IER5: variants seen among roughly 807,000 people sequenced by gnomAD.
The protein encoded by IER5 is immediate early response 5, also known as immediate early response gene 5 protein.
In IER5, 3 loss-of-function variants were observed where a neutral mutation model predicts 8.2. The observed-to-expected ratio is 0.36, with a 90% CI of 0.17 to 0.94. IER5 has a LOEUF of 0.94. Among genes scored for constraint, IER5 ranks in the 40% least tolerant of loss-of-function variants. The probability of loss-of-function intolerance (pLI) is 0.43; values close to 1 mark genes in which losing one functional copy is unlikely to be tolerated. For synonymous variants in IER5, 286 were observed against 230.1 expected (o/e 1.24, Z -2.20); for missense variants, 531 against 494.3 (o/e 1.07, Z -0.70).
Position 181,089,445 on chromosome 1 carries a change from C to T in IER5, c.543C>T (p.Gly181=), listed in dbSNP as rs1338702728. The change falls in exon 1 of 1, where the codon GGC becomes GGT. Residue 181 remains glycine (G), a synonymous_variant. Coordinates refer to ENST00000367577, the MANE Select transcript of IER5 (RefSeq NM_016545.5). ...AARRPCGCPL[G]GEDPPGTPAA... Reference sequence around the variant, plus strand: ...GCCGCCCCTGCGGCTGCCCCCTAGGCGGGGAGGACCCGCCGGGTACACCGG... The same window carrying T: ...GCCGCCCCTGCGGCTGCCCCCTAGGTGGGGAGGACCCGCCGGGTACACCGG... 13 of 1,373,112 alleles carry T rather than the reference C, an allele frequency of 9.5e-6. 1 individual carries two copies. The highest frequency in any genetic ancestry group is 7.6e-5 in the African/African-American group (5 of 65,938). The allele number at this position is 1,373,112 out of a possible 1,614,324, so 85.1% of individuals were successfully genotyped here. A position where few individuals can be genotyped will look rare whatever the true frequency, so the allele number is the denominator to read the frequency against.
At position 181,089,541 on chromosome 1, in the gene IER5, G is replaced by A; in HGVS notation, c.639G>A (p.Ala213=). Residue 213 remains alanine, a synonymous_variant, in exon 1 of 1, where the codon GCG becomes GCA. Coordinates refer to ENST00000367577, the MANE Select transcript of IER5 (RefSeq NM_016545.5). ...AGGACGAGCCCCCCGCGCCGCCCGCGGTGTGCCCCAGGAAGCGCTGCGCGG... is the reference window on the plus strand; with the variant it reads ...AGGACGAGCCCCCCGCGCCGCCCGCAGTGTGCCCCAGGAAGCGCTGCGCGG... ...PAEDEPPAPP[A]VCPRKRCAAG... The A allele has an allele frequency of 7.7e-7, 1 of 1,304,246 alleles. No individual in the cohort carries two copies. The highest frequency in any genetic ancestry group is 9.7e-7 in the Non-Finnish European group (1 of 1,026,420). The allele number at this position is 1,304,246 out of a possible 1,614,324, so 80.8% of individuals were successfully genotyped here.
rs1451601757 is a variant in IER5 at position 181,091,342 on chromosome 1, T to C, written c.*1456T>C. On this transcript the variant is annotated 3_prime_UTR_variant, in exon 1 of 1. Transcript: ENST00000367577. ...ATGAAAGAGACTGACTTGTCCAAAT[T>C]GTCAGGTCCACCTCTGCATCACAGT... The C allele has an allele frequency of 6.6e-6, 1 of 152,210 alleles. No individual in the cohort carries two copies. Among genetic ancestry groups the C allele is most frequent in the African/African-American group, 2.4e-5 (1 of 41,456 alleles). The allele number at this position is 152,210 out of a possible 1,614,324, so 9.4% of individuals were successfully genotyped here.
Position 181,090,854 on chromosome 1 carries a change from G to T in IER5, c.*968G>T. ...TTTGAAGCAACGTAACTGCCTGCTT[G>T]TCTGTAATAACCTGCCTGGGTTGGG... is the stretch of plus-strand genomic sequence containing the variant. On this transcript the variant is annotated 3_prime_UTR_variant, in exon 1 of 1. Transcript: ENST00000367577. The T allele has an allele frequency of 6.5e-6, 1 of 153,564 alleles. No individual in the cohort carries two copies. 9.5% of individuals were successfully genotyped at this position (153,564 alleles called of 1,614,324 possible).
rs781675032 is a variant in IER5 at position 181,089,005 on chromosome 1, C to T, written c.103C>T (p.Leu35=). The change falls in exon 1 of 1, where the codon CTG becomes TTG. Residue 35 remains leucine, a synonymous_variant. Transcript: ENST00000367577. ...CGGCATCAAGCTGCATAAGAACCTC[C>T]TGGTCTCGCTGGTGCTGCGCAGCGC... is the stretch of plus-strand genomic sequence containing the variant. The part of the protein sequence containing the change: ...RGGIKLHKNL[L]VSLVLRSARQ... 12 of 1,613,138 alleles carry T rather than the reference C, an allele frequency of 7.4e-6. No homozygotes were observed. The highest frequency in any genetic ancestry group is 1.7e-5 in the Admixed American group (1 of 60,016).
chr1:181,089,163 C>G lies in IER5; in HGVS notation c.261C>G (p.Pro87=), dbSNP rs529678437. The part of the protein sequence containing the change: ...AGPPAGWGEP[P]PPAARASWPE... ...CACCCGCCGGCTGGGGAGAGCCGCC[C>G]CCGCCCGCCGCTCGTGCCTCTTGGC... Residue 87 remains proline, a synonymous_variant, in exon 1 of 1, where the codon CCC becomes CCG. Coordinates refer to ENST00000367577, the MANE Select transcript of IER5 (RefSeq NM_016545.5). 12 of 1,449,612 alleles carry G rather than the reference C, an allele frequency of 8.3e-6. No individual in the cohort carries two copies. The highest frequency in any genetic ancestry group is 5.7e-5 in the East Asian group (2 of 34,836). 89.8% of individuals were successfully genotyped at this position (1,449,612 alleles called of 1,614,324 possible).
In IER5 at chr1:181,088,968, G is replaced by A. The variant is rs760714700; in HGVS notation, c.66G>A (p.Arg22=). Residue 22 remains arginine (R), a synonymous_variant, in exon 1 of 1, where the codon CGG becomes CGA. Transcript: ENST00000367577. ...SISLGKIYNS[R]VQRGGIKLHK... The stretch of plus-strand genomic sequence containing the variant: ...CTCTGGGCAAGATCTACAACTCGCG[G>A]GTCCAGCGCGGCGGCATCAAGCTGC... 9.9e-6 allele frequency: 16 copies of A among 1,613,780 alleles called. 2 individuals carry two copies. In the South Asian group the frequency reaches 1.8e-4, roughly 18 times the overall value.
At position 181,089,027 on chromosome 1, in the gene IER5, G is replaced by C; in HGVS notation, c.125G>C (p.Ser42Thr). The C allele has an allele frequency of 1.2e-6, 2 of 1,608,294 alleles. No homozygotes were observed. Among genetic ancestry groups the C allele is most frequent in the East Asian group, 2.3e-5 (1 of 44,226 alleles). ...CTCCTGGTCTCGCTGGTGCTGCGCA[G>C]CGCCCGCCAAGTCTACCTGAGCGAC... ...KNLLVSLVLR[S>T]ARQVYLSDPC... The change falls in exon 1 of 1, where the codon AGC becomes ACC. Residue 42 changes from serine (S) to threonine (T), a missense_variant. Physicochemically the swap from Ser to Thr is moderately conservative, Grantham distance 58. Coordinates refer to ENST00000367577, the MANE Select transcript of IER5 (RefSeq NM_016545.5).
Position 181,088,933 on chromosome 1 carries a change from G to C in IER5, c.31G>C (p.Val11Leu), listed in dbSNP as rs1481225330. The C allele has an allele frequency of 6.2e-7, 1 of 1,613,672 alleles. No individual in the cohort carries two copies. Among genetic ancestry groups the C allele is most frequent in the Middle Eastern group, 1.6e-4 (1 of 6,062 alleles). Reference sequence around the variant, plus strand: ...GTTCAAGCTGGAGGCTCATCGCATCGTCAGCATCTCTCTGGGCAAGATCTA... The same window carrying C: ...GTTCAAGCTGGAGGCTCATCGCATCCTCAGCATCTCTCTGGGCAAGATCTA... MEFKLEAHRI[V>L]SISLGKIYNS... Residue 11 changes from valine to leucine, a missense_variant, in exon 1 of 1, where the codon GTC becomes CTC. Physicochemically the swap from Val to Leu is conservative, Grantham distance 32. Coordinates refer to ENST00000367577, the MANE Select transcript of IER5 (RefSeq NM_016545.5).
In IER5 at chr1:181,092,337, T is replaced by C. The variant is rs1267847077; in HGVS notation, c.*2451T>C. ...AAAGAATGTAAATTGGCATACTTGA[T>C]AGGAGGATAAAGCTTTGTAGGAATT... On this transcript the variant is annotated 3_prime_UTR_variant, in exon 1 of 1. Transcript: ENST00000367577. The C allele has an allele frequency of 6.6e-6, 1 of 151,248 alleles. No individual in the cohort carries two copies. The highest frequency in any genetic ancestry group is 1.5e-5 in the Non-Finnish European group (1 of 67,908). The allele number at this position is 151,248 out of a possible 1,614,324, so 9.4% of individuals were successfully genotyped here. A position where few individuals can be genotyped will look rare whatever the true frequency, so the allele number is the denominator to read the frequency against.
rs1659391328 is a variant in IER5 at position 181,088,843 on chromosome 1, T to C, written c.-60T>C. The C allele has an allele frequency of 6.8e-7, 1 of 1,464,070 alleles. No homozygotes were observed. The highest frequency in any genetic ancestry group is 9.2e-7 in the Non-Finnish European group (1 of 1,086,518). 90.7% of individuals were successfully genotyped at this position (1,464,070 alleles called of 1,614,324 possible). ...GGGGCGGACTTGTTTGCGCCTCCCG[T>C]TCCCTCCCAATTTCCAAACGTGTCA... On this transcript the variant is annotated 5_prime_UTR_variant, in exon 1 of 1. Coordinates refer to ENST00000367577, the MANE Select transcript of IER5 (RefSeq NM_016545.5).
At position 181,090,104 on chromosome 1, in the gene IER5, T is replaced by C. The variant is rs1362620059; in HGVS notation, c.*218T>C. 3 of 624,544 alleles carry C rather than the reference T, an allele frequency of 4.8e-6. No individual in the cohort carries two copies. Among genetic ancestry groups the C allele is most frequent in the Non-Finnish European group, 8.6e-6 (3 of 350,312 alleles). 38.7% of individuals were successfully genotyped at this position (624,544 alleles called of 1,614,324 possible). The stretch of plus-strand genomic sequence containing the variant: ...TTGGAAGAGGACGATCGTTAACTTT[T>C]GTGTTTGTGTATGTCTGTGTATGTA... On this transcript the variant is annotated 3_prime_UTR_variant, in exon 1 of 1. Coordinates refer to ENST00000367577, the MANE Select transcript of IER5 (RefSeq NM_016545.5).
In IER5 at chr1:181,088,958, A is replaced by G. The variant is rs1368564134; in HGVS notation, c.56A>G (p.Tyr19Cys). ...GTCAGCATCTCTCTGGGCAAGATCT[A>G]CAACTCGCGGGTCCAGCGCGGCGGC... ...RIVSISLGKIYNSRVQRGGIK... is the reference protein window; with the variant it reads ...RIVSISLGKICNSRVQRGGIK... The change falls in exon 1 of 1, where the codon TAC becomes TGC. Residue 19 changes from tyrosine (Y) to cysteine (C), a missense_variant. Tyr to Cys is a radical substitution (Grantham distance 194). Coordinates refer to ENST00000367577, the MANE Select transcript of IER5 (RefSeq NM_016545.5). The G allele has an allele frequency of 6.2e-7, 1 of 1,613,712 alleles. No homozygotes were observed. The highest frequency in any genetic ancestry group is 8.5e-7 in the Non-Finnish European group (1 of 1,179,914).
In IER5 at chr1:181,089,525, C is replaced by A. The variant is rs1005737705; in HGVS notation, c.623C>A (p.Pro208His). Residue 208 changes from proline to histidine, a missense_variant, in exon 1 of 1, where the codon CCC (proline) becomes CAC (histidine). Physicochemically the swap from Pro to His is moderately conservative, Grantham distance 77. Coordinates refer to ENST00000367577, the MANE Select transcript of IER5 (RefSeq NM_016545.5). Reference sequence around the variant, plus strand: ...GCGCCGCAACCAGCGGAGGACGAGCCCCCCGCGCCGCCCGCGGTGTGCCCC... The same window carrying A: ...GCGCCGCAACCAGCGGAGGACGAGCACCCCGCGCCGCCCGCGGTGTGCCCC... ...CCAPQPAEDE[P>H]PAPPAVCPRK... 7.8e-7 allele frequency: 1 copy of A among 1,282,396 alleles called. No individual in the cohort carries two copies. The allele number at this position is 1,282,396 out of a possible 1,614,324, so 79.4% of individuals were successfully genotyped here.
rs1232350960 is a variant in IER5, at chr1:181,088,807, G to A, written c.-96G>A. 1 of 1,262,484 alleles carries A rather than the reference G, an allele frequency of 7.9e-7. No homozygotes were observed. The highest frequency in any genetic ancestry group is 2.6e-5 in the East Asian group (1 of 38,470). The allele number at this position is 1,262,484 out of a possible 1,614,324, so 78.2% of individuals were successfully genotyped here. On this transcript the variant is annotated 5_prime_UTR_variant, in exon 1 of 1. Transcript: ENST00000367577. ...CTCTTCGGAGTCTTAGGTGATCGAG[G>A]GTGTGCCCAGGGGGCGGACTTGTTT... is the stretch of plus-strand genomic sequence containing the variant.
Position 181,088,932 on chromosome 1 carries a change from C to T in IER5, c.30C>T (p.Ile10=), listed in dbSNP as rs759903973. 17 of 1,613,460 alleles carry T rather than the reference C, an allele frequency of 1.1e-5. No homozygotes were observed. Among genetic ancestry groups the T allele is most frequent in the African/African-American group, 1.3e-5 (1 of 74,854 alleles). ...AGTTCAAGCTGGAGGCTCATCGCAT[C>T]GTCAGCATCTCTCTGGGCAAGATCT... MEFKLEAHR[I]VSISLGKIYN... Residue 10 remains isoleucine (I), a synonymous_variant, in exon 1 of 1, where the codon ATC becomes ATT. Coordinates refer to ENST00000367577, the MANE Select transcript of IER5 (RefSeq NM_016545.5).
In IER5 at chr1:181,091,105, G is replaced by C. The variant is rs931040913; in HGVS notation, c.*1219G>C. 6.6e-6 allele frequency: 1 copy of C among 152,154 alleles called. No homozygotes were observed. Among genetic ancestry groups the C allele is most frequent in the African/African-American group, 2.4e-5 (1 of 41,436 alleles). The allele number at this position is 152,154 out of a possible 1,614,324, so 9.4% of individuals were successfully genotyped here. On this transcript the variant is annotated 3_prime_UTR_variant, in exon 1 of 1. Transcript: ENST00000367577. ...ACTACAACTGCCTTTTCTAAGGTCAGTTTAGACCAATTTGTCACCCAATAT... is the reference window on the plus strand; with the variant it reads ...ACTACAACTGCCTTTTCTAAGGTCACTTTAGACCAATTTGTCACCCAATAT...
rs142674254 is a variant in IER5, at chr1:181,088,740, G to A, written c.-163G>A. The A allele has an allele frequency of 4.9e-5, 28 of 572,900 alleles. No homozygotes were observed. Among genetic ancestry groups the A allele is most frequent in the Admixed American group, 1.7e-4 (5 of 29,278 alleles). The allele number at this position is 572,900 out of a possible 1,614,324, so 35.5% of individuals were successfully genotyped here. A position where few individuals can be genotyped will look rare whatever the true frequency, so the allele number is the denominator to read the frequency against. ...CCGAAACGGGGAAGTTGTCTTGTTT[G>A]GAGAGGTTAGTAGAGCAGCGCGCGC... On this transcript the variant is annotated 5_prime_UTR_variant, in exon 1 of 1. Transcript: ENST00000367577.
At position 181,091,968 on chromosome 1, in the gene IER5, T is replaced by C. The variant is rs904650902; in HGVS notation, c.*2082T>C. Reference sequence around the variant, plus strand: ...CTTAAGCATAGGGAACTTTGTACTTTATGCTCTGTCGCCATAATAATGTAT... The same window carrying C: ...CTTAAGCATAGGGAACTTTGTACTTCATGCTCTGTCGCCATAATAATGTAT... On this transcript the variant is annotated 3_prime_UTR_variant, in exon 1 of 1. Coordinates refer to ENST00000367577, the MANE Select transcript of IER5 (RefSeq NM_016545.5). The C allele has an allele frequency of 2.6e-5, 4 of 152,242 alleles. No homozygotes were observed. The highest frequency in any genetic ancestry group is 9.6e-5 in the African/African-American group (4 of 41,456). 9.4% of individuals were successfully genotyped at this position (152,242 alleles called of 1,614,324 possible).
rs1659500681 is a variant in IER5, at chr1:181,092,625, C to G, written c.*2739C>G. On this transcript the variant is annotated 3_prime_UTR_variant, in exon 1 of 1. Coordinates refer to ENST00000367577, the MANE Select transcript of IER5 (RefSeq NM_016545.5). Reference sequence around the variant, plus strand: ...CTGCTTGGGTTTTTCTATCTTGGCTCTGCCACCTAGCTGTGGGTCCTTGGA... The same window carrying G: ...CTGCTTGGGTTTTTCTATCTTGGCTGTGCCACCTAGCTGTGGGTCCTTGGA... The G allele has an allele frequency of 6.6e-6, 1 of 152,226 alleles. No homozygotes were observed. The highest frequency in any genetic ancestry group is 6.5e-5 in the Admixed American group (1 of 15,284). 9.4% of individuals were successfully genotyped at this position (152,226 alleles called of 1,614,324 possible).
Sources: allele counts gnomAD v4.1 joint callset, GRCh38; gene constraint gnomAD v4.1.1; transcripts MANE v1.5; gene names NCBI Gene and HGNC (gene_info 2026-07-23, HGNC 2026-07-21).